TTC9: variants seen among roughly 807,000 people sequenced by gnomAD.
TTC9 encodes the protein tetratricopeptide repeat protein 9A.
TTC9 carries 13 observed loss-of-function variants against 22.9 expected under a neutral mutation model. The ratio of observed to expected loss-of-function variants is 0.57; its 90% CI spans 0.37 to 0.90. The LOEUF is 0.90. Among genes scored for constraint, TTC9 ranks in the 40% least tolerant of loss-of-function variants. The probability of loss-of-function intolerance (pLI) is 0.01; values close to 1 mark genes in which losing one functional copy is unlikely to be tolerated. For missense variants in TTC9, 280 were observed against 291.8 expected, an observed-to-expected ratio of 0.96 and a Z score of 0.29; for synonymous variants, 148 against 133.2, an observed-to-expected ratio of 1.11 and a Z score of -0.77.
chr14:70,672,181 T>C lies in TTC9; in HGVS notation c.*1026T>C, dbSNP rs955195160. On this transcript the variant is annotated 3_prime_UTR_variant, in exon 3 of 3. Coordinates refer to ENST00000256367, the MANE Select transcript of TTC9 (RefSeq NM_015351.2). The stretch of plus-strand genomic sequence containing the variant: ...TGGCAGACAATGGTGGCTACAGCCT[T>C]TGTGCTTTTAAGAGTGGGCTGGGAT... 6.6e-6 allele frequency: 1 copy of C among 152,220 alleles called. No homozygotes were observed. Among genetic ancestry groups the C allele is most frequent in the African/African-American group, 2.4e-5 (1 of 41,444 alleles). The allele number at this position is 152,220 out of a possible 1,614,324, so 9.4% of individuals were successfully genotyped here.
chr14:70,671,998 C>G lies in TTC9; in HGVS notation c.*843C>G, dbSNP rs1886304130. 6.6e-6 allele frequency: 1 copy of G among 152,178 alleles called. No homozygotes were observed. Among genetic ancestry groups the G allele is most frequent in the Admixed American group, 6.5e-5 (1 of 15,284 alleles). The allele number at this position is 152,178 out of a possible 1,614,324, so 9.4% of individuals were successfully genotyped here. On this transcript the variant is annotated 3_prime_UTR_variant, in exon 3 of 3. Transcript: ENST00000256367. ...TAGGGGATTGAACTGTGGACTGATT[C>G]AGTGTAAATAAAAACAAATTAACAG...
In TTC9 at chr14:70,671,433, G is replaced by C. The variant is rs1239791344; in HGVS notation, c.*278G>C. The C allele has an allele frequency of 8.2e-6, 3 of 365,416 alleles. No homozygotes were observed. Among genetic ancestry groups the C allele is most frequent in the Non-Finnish European group, 1.6e-5 (3 of 191,906 alleles). 22.6% of individuals were successfully genotyped at this position (365,416 alleles called of 1,614,324 possible). ...CTTCTGCTGGGACAGCTGGAGAGGA[G>C]TCTCATGGGCTGGGATGCTGTTGTG... is the stretch of plus-strand genomic sequence containing the variant. On this transcript the variant is annotated 3_prime_UTR_variant, in exon 3 of 3. Transcript: ENST00000256367.
rs937528807 is a variant in TTC9, at chr14:70,673,698, G to A, written c.*2543G>A. The stretch of plus-strand genomic sequence containing the variant: ...CCTGGAGAATGAGTTCAAACTGCCA[G>A]GGTCTTCCCTTGGTCTTTGTGCGTC... On this transcript the variant is annotated 3_prime_UTR_variant, in exon 3 of 3. Transcript: ENST00000256367. 1.3e-5 allele frequency: 2 copies of A among 151,994 alleles called. No individual in the cohort carries two copies. Among genetic ancestry groups the A allele is most frequent in the East Asian group, 3.9e-4 (2 of 5,162 alleles). The allele number at this position is 151,994 out of a possible 1,614,324, so 9.4% of individuals were successfully genotyped here.
intron 2 of TTC9, 121 bp from the exon 3 acceptor site, chr14:70,670,955 G>A: frequency 1.2e-6 from 1 of 837,208 alleles, no homozygotes; most frequent in Non-Finnish European, 1.9e-6. Context: ...TAGGCAGAAG[G>A]GACCTTGGTT....
chr14:70,669,254 G>T (rs1475762333), intron 2 of TTC9, among the ~76,000 whole-genome samples: 1 of 152,044 alleles, frequency 6.6e-6, no homozygotes, highest in African/African-American at 2.4e-5. Flanking sequence ...TTGACTTGAT[G>T]TTGCTATTTT....
intron 1 of TTC9, among the ~76,000 whole-genome samples, chr14:70,648,262 G>A (rs955642030): frequency 2.6e-5 from 4 of 152,190 alleles, no homozygotes; most frequent in Non-Finnish European, 5.9e-5. Flanking sequence ...TCAAGTAAAT[G>A]GGGCTTGTAA....
chr14:70,671,414 C>G lies in TTC9; in HGVS notation c.*259C>G, dbSNP rs1254072238. 1 of 387,202 alleles carries G rather than the reference C, an allele frequency of 2.6e-6. No homozygotes were observed. Among genetic ancestry groups the G allele is most frequent in the African/African-American group, 2.1e-5 (1 of 48,598 alleles). 24.0% of individuals were successfully genotyped at this position (387,202 alleles called of 1,614,324 possible). A position where few individuals can be genotyped will look rare whatever the true frequency, so the allele number is the denominator to read the frequency against. On this transcript the variant is annotated 3_prime_UTR_variant, in exon 3 of 3. Coordinates refer to ENST00000256367, the MANE Select transcript of TTC9 (RefSeq NM_015351.2). The stretch of plus-strand genomic sequence containing the variant: ...GCGACTGAGAGGGGCCTGACTTCTG[C>G]TGGGACAGCTGGAGAGGAGTCTCAT...
intron 1 of TTC9, among the ~76,000 whole-genome samples, chr14:70,653,617 C>A (rs11629413): frequency 0.019 from 2,969 of 152,280 alleles, 33 homozygotes; most frequent in Non-Finnish European, 0.028. Flanking sequence ...AGGCACACAT[C>A]ATCTCCAGCC....
intron 1 of TTC9, among the ~76,000 whole-genome samples, chr14:70,646,870 G>T (rs1319678576): frequency 6.6e-6 from 1 of 152,164 alleles, no homozygotes; most frequent in Non-Finnish European, 1.5e-5. Flanking sequence ...CAGTGCTTGT[G>T]GACACGTCTT....
chr14:70,662,126 C>T (rs1454354747), intron 1 of TTC9, among the ~76,000 whole-genome samples: 1 of 152,178 alleles, frequency 6.6e-6, no homozygotes, highest in East Asian at 1.9e-4. Flanking sequence ...ATATTTCTTT[C>T]AATGGAGCCT....
At chr14:70,645,569 T>C (rs1216044739) in intron 1 of TTC9, among the ~76,000 whole-genome samples, 1 of 152,200 alleles carries the variant, frequency 6.6e-6, no homozygotes, top group Non-Finnish European at 1.5e-5. Context: ...TCTCATTGGC[T>C]AGAAAGGAAG....
At chr14:70,664,609 G>A (rs530338659) in intron 1 of TTC9, among the ~76,000 whole-genome samples, 7 of 152,044 alleles carry the variant, frequency 4.6e-5, no homozygotes, top group Non-Finnish European at 1.0e-4. Context: ...ATCTGTAGTA[G>A]TCCCAGCTAC....
At chr14:70,646,222 ATAGG>A (rs1885899114) in intron 1 of TTC9, among the ~76,000 whole-genome samples, 1 of 152,190 alleles carries the variant, frequency 6.6e-6, no homozygotes, top group Non-Finnish European at 1.5e-5. Flanking sequence ...ATTCAAAGAA[ATAGG>A]TAGGGATCGT....
chr14:70,660,766 A>C (rs993378872), intron 1 of TTC9, among the ~76,000 whole-genome samples: 1 of 152,238 alleles, frequency 6.6e-6, no homozygotes, highest in Non-Finnish European at 1.5e-5. Context: ...GATCTATACC[A>C]GTCATTCAAT....
At chr14:70,647,355 G>T (rs193261770) in intron 1 of TTC9, among the ~76,000 whole-genome samples, 1 of 152,128 alleles carries the variant, frequency 6.6e-6, no homozygotes, top group Non-Finnish European at 1.5e-5. Flanking sequence ...TTTCAGATGA[G>T]CCAGGAAAGG....
intron 1 of TTC9, among the ~76,000 whole-genome samples, chr14:70,658,641 C>CA (rs58811146): frequency 0.033 from 4,968 of 149,490 alleles, 295 homozygotes; most frequent in African/African-American, 0.11. Context: ...AAAGCATCTG[C>CA]AAAAAAAAAC....
At chr14:70,669,445 A>C (rs1282545503) in intron 2 of TTC9, among the ~76,000 whole-genome samples, 2 of 151,584 alleles carry the variant, frequency 1.3e-5, no homozygotes, top group Admixed American at 1.3e-4. Context: ...ATGCCTGGCT[A>C]ATGTTTTTTA....
intron 1 of TTC9, among the ~76,000 whole-genome samples, chr14:70,660,222 A>G (rs1321298880): frequency 2.0e-5 from 3 of 152,210 alleles, no homozygotes; most frequent in Non-Finnish European, 4.4e-5. Flanking sequence ...TCCAAATGTC[A>G]CAAGTTGACA....
At position 70,642,294 on chromosome 14, in the gene TTC9, A is replaced by T. The variant is rs1885826760; in HGVS notation, c.165A>T (p.Arg55=). The T allele has an allele frequency of 2.0e-6, 3 of 1,537,888 alleles. No individual in the cohort carries two copies. Among genetic ancestry groups the T allele is most frequent in the Middle Eastern group, 1.8e-4 (1 of 5,484 alleles). ...GAAAEPAELI[R]RAHEFKSQGA... ...CGGCCGAGCCGGCCGAGCTCATCCG[A>T]CGAGCGCACGAGTTCAAAAGCCAAG... is the stretch of plus-strand genomic sequence containing the variant. The change falls in exon 1 of 3, where the codon CGA becomes CGT. Residue 55 remains arginine (R), a synonymous_variant. Coordinates refer to ENST00000256367, the MANE Select transcript of TTC9 (RefSeq NM_015351.2).
Sources: allele counts gnomAD v4.1 joint callset (sites outside exome capture counted in the v4.1 genomes callset), GRCh38; gene constraint gnomAD v4.1.1; transcripts MANE v1.5; gene names NCBI Gene and HGNC (gene_info 2026-07-23, HGNC 2026-07-21).